The following GRAMD4 variants were observed in gnomAD, a reference collection of about 807,000 sequenced individuals.
GRAMD4 encodes the protein GRAM domain containing 4, also known as GRAM domain-containing protein 4.
In GRAMD4, 25 loss-of-function variants were observed where a neutral mutation model predicts 83.9. The ratio of observed to expected loss-of-function variants is 0.30; its 90% confidence interval spans 0.22 to 0.42. The LOEUF (loss-of-function observed/expected upper bound fraction) is 0.42, where lower values mean the gene tolerates loss of function less well. Among genes scored for constraint, GRAMD4 ranks in the 10% least tolerant of loss-of-function variants. The pLI is 1.00. For missense variants in GRAMD4, 593 were observed against 788.7 expected, an observed-to-expected ratio of 0.75 and a Z score of 2.97; for synonymous variants, 336 against 320.9, an observed-to-expected ratio of 1.05 and a Z score of -0.50.
intron 1 of GRAMD4, among the ~76,000 whole-genome samples, chr22:46,610,958 T>C (rs1032214130): frequency 1.3e-5 from 2 of 152,196 alleles, no homozygotes; most frequent in Admixed American, 1.3e-4. Context: ...CTCATGCCTG[T>C]AATCCCAGCA....
At chr22:46,662,072 A>C (rs2082335983) in intron 5 of GRAMD4, among the ~76,000 whole-genome samples, 1 of 152,198 alleles carries the variant, frequency 6.6e-6, no homozygotes. Flanking sequence ...TCCATAAATA[A>C]AGTCCATGGG....
upstream of GRAMD4, among the ~76,000 whole-genome samples, chr22:46,619,194 C>T (rs1485638184): frequency 6.6e-6 from 1 of 152,138 alleles, no homozygotes; most frequent in African/African-American, 2.4e-5. Flanking sequence ...CAAGGTCGGG[C>T]ACGGGCTGGA....
At position 46,622,746 on chromosome 22, in the gene GRAMD4, T is replaced by C. The variant is rs1242592467; in HGVS notation, c.-50+2181T>C. Among the ~76,000 whole-genome samples the C allele has an allele frequency of 6.6e-6, 1 of 152,078 alleles. No homozygotes were observed. The highest frequency in any genetic ancestry group is 1.5e-5 in the Non-Finnish European group (1 of 68,006). On this transcript the variant is annotated intron_variant, in intron 1 of 18. Coordinates refer to ENST00000406902, the MANE Select transcript of GRAMD4 (RefSeq NM_015124.5). This position sits in a 1 kb window ranked among gnomAD's most constrained non-coding sequence, Gnocchi z 4.0. The stretch of plus-strand genomic sequence containing the variant: ...GGCTAACATGGCGAAACTCCGTCTC[T>C]ACTAAAAATACAAAAAATTAGCTGG...
upstream of GRAMD4, among the ~76,000 whole-genome samples, chr22:46,616,623 GGTTCCCCTGTGTGTAC>G (rs1393178394): frequency 1.9e-3 from 231 of 121,798 alleles, 4 homozygotes; most frequent in African/African-American, 3.8e-3. Context: ...TGTGTGTGTA[GGTTCCCCTGTGTGTAC>G]GTTCCCCTGT....
At chr22:46,653,628 G>A (rs9627526) in intron 3 of GRAMD4, among the ~76,000 whole-genome samples, 1 of 152,214 alleles carries the variant, frequency 6.6e-6, no homozygotes, top group African/African-American at 2.4e-5. Flanking sequence ...TCACAGCTTA[G>A]TGACTCCAGG....
At chr22:46,606,523 G>T (rs1204774821) in intron 1 of GRAMD4, among the ~76,000 whole-genome samples, 1 of 42,488 alleles carries the variant, frequency 2.4e-5, no homozygotes. Flanking sequence ...GAGCATCTCT[G>T]CATGGGTTTA....
intron 13 of GRAMD4, among the ~76,000 whole-genome samples, chr22:46,671,544 T>G (rs991902236): frequency 6.6e-6 from 1 of 150,582 alleles, no homozygotes; most frequent in Non-Finnish European, 1.5e-5. Flanking sequence ...TAGTCCCAGC[T>G]ACTCAGGGGG....
At chr22:46,674,328 C>T (rs977138827) in intron 15 of GRAMD4, among the ~76,000 whole-genome samples, 4 of 152,024 alleles carry the variant, frequency 2.6e-5, no homozygotes, top group African/African-American at 4.8e-5. Context: ...CTGGCCCTGC[C>T]GGTCTTGGTG....
intron 3 of GRAMD4, among the ~76,000 whole-genome samples, chr22:46,639,580 C>T (rs535651323): frequency 2.1e-4 from 31 of 147,556 alleles, no homozygotes; most frequent in Non-Finnish European, 4.3e-4. Flanking sequence ...GTGCGTGTGG[C>T]GGTGGTTAAC....
upstream of GRAMD4, among the ~76,000 whole-genome samples, chr22:46,616,463 T>G (rs2081496592): frequency 8.4e-6 from 1 of 118,790 alleles, no homozygotes; most frequent in African/African-American, 3.2e-5. Flanking sequence ...TTCCCCCGTG[T>G]GTAGGTTCCC....
In GRAMD4 at chr22:46,674,469, G is replaced by A. The variant is rs546940436; in HGVS notation, c.1385-188G>A. On this transcript the variant is annotated intron_variant, in intron 15 of 18. Transcript: ENST00000406902. ...AACCCTGCCAGTGCCTGTTGAAGAG[G>A]AAACATCTGTTTTCCACCCTCTGGG... 2.0e-3 allele frequency: 1,239 copies of A among 612,300 alleles called. 2 individuals carry two copies. The highest frequency in any genetic ancestry group is 3.0e-3 in the Non-Finnish European group (1,005 of 339,778). 37.9% of individuals were successfully genotyped at this position (612,300 alleles called of 1,614,324 possible).
chr22:46,589,886 A>T (rs976279574), intron 1 of GRAMD4, among the ~76,000 whole-genome samples: 2 of 151,968 alleles, frequency 1.3e-5, no homozygotes, highest in Non-Finnish European at 2.9e-5. Context: ...CCCCTCAGAG[A>T]GGCCTCCTGT....
chr22:46,645,800 C>T (rs1049098269), intron 3 of GRAMD4, among the ~76,000 whole-genome samples: 1 of 152,208 alleles, frequency 6.6e-6, no homozygotes. Flanking sequence ...TTAAAAGCAT[C>T]ATGCGTTTTT....
Position 46,677,474 on chromosome 22 carries a change from T to G in GRAMD4, c.*223T>G. 7.6e-7 allele frequency: 1 copy of G among 1,309,368 alleles called. No individual in the cohort carries two copies. The highest frequency in any genetic ancestry group is 9.7e-7 in the Non-Finnish European group (1 of 1,026,598). 81.1% of individuals were successfully genotyped at this position (1,309,368 alleles called of 1,614,324 possible). ...CCCCTCTCCCACAGGGCACGTCAGG[T>G]GCCTCTGAGGGCCACCCGCAGACTG... On this transcript the variant is annotated 3_prime_UTR_variant, in exon 19 of 19. Transcript: ENST00000406902.
intron 2 of GRAMD4, among the ~76,000 whole-genome samples, chr22:46,632,847 G>A (rs2081796079): frequency 6.6e-6 from 1 of 152,220 alleles, no homozygotes; most frequent in African/African-American, 2.4e-5. Context: ...TCACCCGCAC[G>A]ACGCTGCCTG....
intron 1 of GRAMD4, among the ~76,000 whole-genome samples, chr22:46,580,650 A>T (rs1602284062): frequency 6.6e-6 from 1 of 152,304 alleles, no homozygotes; most frequent in South Asian, 2.1e-4. Context: ...TCAGACTCTT[A>T]GAGACAGAGG....
upstream of GRAMD4, among the ~76,000 whole-genome samples, chr22:46,619,042 G>A (rs948824842): frequency 4.6e-5 from 7 of 152,228 alleles, no homozygotes; most frequent in African/African-American, 7.2e-5. Flanking sequence ...ATTTGAGGCC[G>A]CCTGACTGTG....
chr22:46,594,270 CT>C (rs2081238723), intron 1 of GRAMD4, among the ~76,000 whole-genome samples: 2 of 149,586 alleles, frequency 1.3e-5, no homozygotes, highest in Admixed American at 1.3e-4. Flanking sequence ...CTGTCACCTG[CT>C]GTAGCTCTAC....
chr22:46,611,708 C>T (rs1023507444), intron 1 of GRAMD4, among the ~76,000 whole-genome samples: 4 of 151,258 alleles, frequency 2.6e-5, no homozygotes, highest in African/African-American at 9.7e-5. Context: ...GACAGGGTCT[C>T]GGCTGGGTGT....
Sources: allele counts gnomAD v4.1 joint callset (sites outside exome capture counted in the v4.1 genomes callset), GRCh38; gene constraint gnomAD v4.1.1; non-coding constraint Gnocchi (gnomAD v3.1); transcripts MANE v1.5; gene names NCBI Gene and HGNC (gene_info 2026-07-23, HGNC 2026-07-21).